Variants in PTPRT observed in about 807,000 individuals in gnomAD.
PTPRT encodes the protein protein tyrosine phosphatase receptor type T.
PTPRT carries 56 observed loss-of-function variants against 176.8 expected under a neutral mutation model. The observed-to-expected ratio is 0.32, with a 90% CI of 0.26 to 0.40. The LOEUF (loss-of-function observed/expected upper bound fraction) is 0.40. Ranked by LOEUF, PTPRT falls within the 10% of genes least tolerant of loss-of-function variation. The probability of loss-of-function intolerance (pLI) is 1.00; values close to 1 mark genes in which losing one functional copy is unlikely to be tolerated. For missense variants in PTPRT, 1,540 were observed against 1,908.2 expected, an observed-to-expected ratio of 0.81 and a Z score of 3.60; for synonymous variants, 783 against 739.0, an observed-to-expected ratio of 1.06 and a Z score of -0.96.
chr20:42,461,416 T>C (rs541676973), intron 8 of PTPRT, among the ~76,000 whole-genome samples: 8 of 152,038 alleles, frequency 5.3e-5, no homozygotes, highest in Non-Finnish European at 1.0e-4. Context: ...CTATCCCACA[T>C]GTCCTAGCTA....
intron 6 of PTPRT, among the ~76,000 whole-genome samples, chr20:42,737,076 T>C (rs975400004): frequency 2.0e-5 from 3 of 152,172 alleles, no homozygotes; most frequent in Non-Finnish European, 4.4e-5. Context: ...CAGAAAGATA[T>C]GTTCAACACC....
At chr20:42,088,906 T>C (rs1984308211) in intron 27 of PTPRT, among the ~76,000 whole-genome samples, 1 of 152,234 alleles carries the variant, frequency 6.6e-6, no homozygotes, top group Admixed American at 6.5e-5. Flanking sequence ...CAGTGATTCA[T>C]ACCATTGTTG....
chr20:42,526,965 T>TC (rs1181628506), intron 7 of PTPRT, among the ~76,000 whole-genome samples: 3 of 132,124 alleles, frequency 2.3e-5, no homozygotes, highest in Non-Finnish European at 3.3e-5. Context: ...TCTTTTTTTT[T>TC]TTTTTTTTTT....
intron 1 of PTPRT, among the ~76,000 whole-genome samples, chr20:42,896,847 G>T (rs2079308963): frequency 6.6e-6 from 1 of 152,112 alleles, no homozygotes; most frequent in Admixed American, 6.5e-5. Context: ...TGAAGGCAGG[G>T]TAATATCTAA....
At chr20:42,672,242 T>C (rs1361783081) in intron 7 of PTPRT, among the ~76,000 whole-genome samples, 1 of 152,184 alleles carries the variant, frequency 6.6e-6, no homozygotes, top group African/African-American at 2.4e-5. Flanking sequence ...GCTGCCAGCA[T>C]GGCCAGAATA....
chr20:42,082,933 G>A (rs1294736889), intron 29 of PTPRT, among the ~76,000 whole-genome samples: 2 of 152,106 alleles, frequency 1.3e-5, no homozygotes, highest in Non-Finnish European at 2.9e-5. Flanking sequence ...GTGACCAGAT[G>A]TTTCAAGTAC....
chr20:42,472,722 C>T (rs1401263696), intron 7 of PTPRT, among the ~76,000 whole-genome samples, 160 bp from the exon 8 acceptor site: 1 of 152,180 alleles, frequency 6.6e-6, no homozygotes, highest in African/African-American at 2.4e-5. Flanking sequence ...ATTTAGAGAA[C>T]ATTTTTCTTT....
At chr20:42,110,634 G>A (rs990914368) in intron 22 of PTPRT, 147 bp from the exon 23 acceptor site, 3 of 758,004 alleles carry the variant, frequency 4.0e-6, no homozygotes, top group African/African-American at 3.5e-5. Flanking sequence ...ACTGGATAGA[G>A]CGATTCTGTA....
chr20:42,346,467 T>C (rs950214500), intron 11 of PTPRT, among the ~76,000 whole-genome samples: 1 of 152,162 alleles, frequency 6.6e-6, no homozygotes, highest in African/African-American at 2.4e-5. Context: ...TTTTAAGCAA[T>C]TCTGGGATTC....
chr20:42,534,694 C>T (rs1000775944), intron 7 of PTPRT, among the ~76,000 whole-genome samples: 7 of 152,056 alleles, frequency 4.6e-5, no homozygotes, highest in Non-Finnish European at 1.0e-4. Flanking sequence ...ACAACACTGG[C>T]CATATCTTAA....
At chr20:42,627,460 T>TGAG (rs2074313988) in intron 7 of PTPRT, among the ~76,000 whole-genome samples, 2 of 151,926 alleles carry the variant, frequency 1.3e-5, no homozygotes, top group Non-Finnish European at 2.9e-5. Flanking sequence ...TTTGTAGAGA[T>TGAG]GAGGTCTCAC....
chr20:42,363,288 ATATATATATATATTTTTTTTT>A (rs2058461168), intron 9 of PTPRT, among the ~76,000 whole-genome samples: 2 of 22,594 alleles, frequency 8.9e-5, no homozygotes, highest in East Asian at 2.0e-3. Context: ...ATATATATAT[ATATATATATATATTTTTTTTT>A]TTTTTTTTTT....
chr20:42,076,116 G>T lies in PTPRT; in HGVS notation c.*4763C>A, dbSNP rs758077581. 3 of 205,264 alleles carry T rather than the reference G, an allele frequency of 1.5e-5. No individual in the cohort carries two copies. The highest frequency in any genetic ancestry group is 2.0e-5 in the Non-Finnish European group (2 of 100,354). The allele number at this position is 205,264 out of a possible 1,614,324, so 12.7% of individuals were successfully genotyped here. A position where few individuals can be genotyped will look rare whatever the true frequency, so the allele number is the denominator to read the frequency against. ...TATGTATGTTTTCGTTCAAACTAAA[G>T]ACTGAGCTCTGTCCACCACAACCCC... On this transcript the variant is annotated 3_prime_UTR_variant, in exon 31 of 31. Coordinates refer to ENST00000373187, the MANE Select transcript of PTPRT (RefSeq NM_007050.6).
At chr20:42,589,344 C>T in intron 7 of PTPRT, among the ~76,000 whole-genome samples, 1 of 152,198 alleles carries the variant, frequency 6.6e-6, no homozygotes, top group East Asian at 1.9e-4. Flanking sequence ...TCTCCATTAG[C>T]AAGAGGTACC....
chr20:42,538,140 A>C (rs946474344), intron 7 of PTPRT, among the ~76,000 whole-genome samples: 5 of 152,126 alleles, frequency 3.3e-5, no homozygotes, highest in Non-Finnish European at 5.9e-5. Flanking sequence ...AAAAGAAAAA[A>C]AAAACAAAAC....
Position 42,791,419 on chromosome 20 carries a change from C to T in PTPRT, c.262G>A (p.Ala88Thr), listed in dbSNP as rs760479842. The T allele has an allele frequency of 6.2e-7, 1 of 1,613,766 alleles. No individual in the cohort carries two copies. Among genetic ancestry groups the T allele is most frequent in the East Asian group, 2.2e-5 (1 of 44,862 alleles). The part of the protein sequence containing the change: ...NSSGRASGQK[A>T]HLLLPTLKEN... ...TTCAGGGTTGGCAGGAGAAGGTGGG[C>T]CTTCTGGCCAGAGGCTCTCCCAGAG... Residue 88 changes from alanine (A) to threonine (T), a missense_variant, in exon 3 of 31, where the codon GCC becomes ACC. Ala to Thr is a moderately conservative substitution (Grantham distance 58). Transcript: ENST00000373187.
At chr20:42,053,209 T>C in the PTPRT span, among the ~76,000 whole-genome samples, 1 of 152,196 alleles carries the variant, frequency 6.6e-6, no homozygotes, top group Non-Finnish European at 1.5e-5. Flanking sequence ...ATCCAGAGGT[T>C]CAGATTCAGT....
At chr20:42,871,049 C>T (rs1251634325) in intron 2 of PTPRT, among the ~76,000 whole-genome samples, 1 of 151,652 alleles carries the variant, frequency 6.6e-6, no homozygotes, top group Non-Finnish European at 1.5e-5. Flanking sequence ...CTCCCGGGTT[C>T]AAGTAATTCT....
intron 3 of PTPRT, among the ~76,000 whole-genome samples, chr20:42,786,277 A>G (rs1335035114): frequency 6.6e-6 from 1 of 152,198 alleles, no homozygotes; most frequent in African/African-American, 2.4e-5. Flanking sequence ...GATGATACAT[A>G]TATGTTCTCT....
Sources: allele counts gnomAD v4.1 joint callset (sites outside exome capture counted in the v4.1 genomes callset), GRCh38; gene constraint gnomAD v4.1.1; transcripts MANE v1.5; gene names NCBI Gene and HGNC (gene_info 2026-07-23, HGNC 2026-07-21).